COMMD1: variants seen among roughly 807,000 people sequenced by gnomAD.
COMMD1 encodes the protein COMM domain-containing protein 1.
COMMD1 carries 10 observed loss-of-function variants against 17.2 expected under a neutral mutation model. That is an observed-to-expected ratio of 0.58 (90% CI 0.36 to 0.99). COMMD1 has a LOEUF of 0.99. Ranked by LOEUF, COMMD1 falls within the 50% of genes least tolerant of loss-of-function variation. COMMD1 has a pLI of 0.01. For missense variants in COMMD1, 270 were observed against 231.8 expected, an observed-to-expected ratio of 1.17 and a Z score of -1.07; for synonymous variants, 97 against 91.6, an observed-to-expected ratio of 1.06 and a Z score of -0.34.
At chr2:61,996,139 A>C (rs1349321153) in intron 1 of COMMD1, among the ~76,000 whole-genome samples, 1 of 152,212 alleles carries the variant, frequency 6.6e-6, no homozygotes, top group Non-Finnish European at 1.5e-5. Flanking sequence ...TTGAGGCTGC[A>C]GTGAGCTATG....
chr2:62,083,433 T>C (rs953487717), intron 2 of COMMD1, among the ~76,000 whole-genome samples: 2 of 152,222 alleles, frequency 1.3e-5, no homozygotes, highest in African/African-American at 4.8e-5. Context: ...AAGAAGAAGA[T>C]AGGAGCAAGC....
At chr2:62,023,640 C>T (rs375631077) in intron 2 of COMMD1, among the ~76,000 whole-genome samples, 43 of 152,052 alleles carry the variant, frequency 2.8e-4, no homozygotes, top group African/African-American at 9.7e-4. Flanking sequence ...CACGCCACCA[C>T]GCTTGGCTAA....
chr2:61,960,220 T>C (rs1445050452), intron 1 of COMMD1, among the ~76,000 whole-genome samples: 1 of 152,224 alleles, frequency 6.6e-6, no homozygotes, highest in Non-Finnish European at 1.5e-5. Context: ...TTCCCATTTC[T>C]CACAATCCCT....
rs144171806 is a variant in COMMD1 at position 61,978,622 on chromosome 2, G to A, written c.181-22079G>A. ...TCTCCTTAAGGTGTTTGCTTGACTA[G>A]GGGCTGAAGGATCTACTTCTAACAT... On this transcript the variant is annotated intron_variant, in intron 1 of 2. Transcript: ENST00000311832. Among the ~76,000 whole-genome samples, 104 of 152,254 alleles carry A rather than the reference G, an allele frequency of 6.8e-4. 1 individual carries two copies. The highest frequency in any genetic ancestry group is 2.5e-3 in the African/African-American group (103 of 41,540).
chr2:61,977,633 T>G (rs969588657), intron 1 of COMMD1, among the ~76,000 whole-genome samples: 4 of 152,128 alleles, frequency 2.6e-5, no homozygotes, highest in Non-Finnish European at 5.9e-5. Flanking sequence ...TTCCATTAGA[T>G]CTGTATTATT....
At chr2:61,918,534 AT>A (rs1670105613) in intron 1 of COMMD1, 1 of 152,210 alleles carries the variant, frequency 6.6e-6, no homozygotes, top group Non-Finnish European at 1.5e-5. Context: ...GGCAAAACCC[AT>A]TCAATTAATC....
intron 2 of COMMD1, among the ~76,000 whole-genome samples, chr2:62,124,638 C>A (rs530934258): frequency 6.6e-6 from 1 of 152,238 alleles, no homozygotes; most frequent in Non-Finnish European, 1.5e-5. Context: ...CAACCTCCGC[C>A]TCCTGGGTTC....
chr2:62,079,319 C>G (rs1671450275), intron 2 of COMMD1, among the ~76,000 whole-genome samples: 1 of 152,184 alleles, frequency 6.6e-6, no homozygotes, highest in East Asian at 1.9e-4. Context: ...ATAAAAAGAT[C>G]ATGGGGGGAT....
intron 2 of COMMD1, among the ~76,000 whole-genome samples, chr2:62,077,415 G>A (rs1055175782): frequency 6.6e-6 from 1 of 152,142 alleles, no homozygotes; most frequent in Non-Finnish European, 1.5e-5. Context: ...GGAAAAACAC[G>A]TCATTTGAAG....
intron 2 of COMMD1, among the ~76,000 whole-genome samples, chr2:62,041,785 G>A (rs940289251): frequency 4.6e-5 from 7 of 152,152 alleles, no homozygotes; most frequent in African/African-American, 1.4e-4. Context: ...ATGTTCAGAT[G>A]TGTCCGGAGT....
At chr2:62,059,448 G>A (rs553776735) in intron 2 of COMMD1, among the ~76,000 whole-genome samples, 189 of 152,226 alleles carry the variant, frequency 1.2e-3, no homozygotes, top group Non-Finnish European at 1.8e-3. Context: ...GAGCCACTAT[G>A]CCTGTCCTGT....
At chr2:62,067,248 A>T (rs1177548468) in intron 2 of COMMD1, among the ~76,000 whole-genome samples, 1 of 152,038 alleles carries the variant, frequency 6.6e-6, no homozygotes, top group Admixed American at 6.5e-5. Context: ...GAAAAAAAAA[A>T]TCCTAGGTTC....
At chr2:62,091,081 T>C (rs1671813153) in intron 2 of COMMD1, among the ~76,000 whole-genome samples, 1 of 152,338 alleles carries the variant, frequency 6.6e-6, no homozygotes, top group East Asian at 1.9e-4. Flanking sequence ...CATTGCTTCA[T>C]AGCCACCTCA....
chr2:61,961,516 T>C (rs535087570), intron 1 of COMMD1, among the ~76,000 whole-genome samples: 4 of 152,304 alleles, frequency 2.6e-5, no homozygotes, highest in Admixed American at 6.5e-5. Context: ...TATATACTAA[T>C]AGTGGATAGC....
chr2:62,050,749 T>A (rs995022859), intron 2 of COMMD1, among the ~76,000 whole-genome samples: 2 of 152,234 alleles, frequency 1.3e-5, no homozygotes, highest in Non-Finnish European at 2.9e-5. Context: ...ATGAGAAAAG[T>A]CTGTCCCTTT....
chr2:61,982,904 A>G (rs529156792), intron 1 of COMMD1, among the ~76,000 whole-genome samples: 5 of 152,052 alleles, frequency 3.3e-5, no homozygotes, highest in African/African-American at 1.2e-4. Flanking sequence ...TTAACATATT[A>G]TTGAATTCGG....
At chr2:61,977,876 C>A (rs180788263) in intron 1 of COMMD1, among the ~76,000 whole-genome samples, 266 of 151,426 alleles carry the variant, frequency 1.8e-3, no homozygotes, top group African/African-American at 5.4e-3. Context: ...GTAATCCCGG[C>A]TACTAAGGAG....
chr2:61,912,519 G>A lies in COMMD1; in HGVS notation c.180+6661G>A, dbSNP rs527703022. Among the ~76,000 whole-genome samples the A allele has an allele frequency of 2.0e-5, 3 of 152,254 alleles. No individual in the cohort carries two copies. In the East Asian group the frequency reaches 5.8e-4, roughly 29 times the overall value. On this transcript the variant is annotated intron_variant, in intron 1 of 2. Transcript: ENST00000311832. Reference sequence around the variant, plus strand: ...TGGGAGGCCAAGGCGGGCAGATCACGAGATCAAGAGATGGAGACCATCCTA... The same window carrying A: ...TGGGAGGCCAAGGCGGGCAGATCACAAGATCAAGAGATGGAGACCATCCTA...
At chr2:62,122,389 G>A (rs1438073616) in intron 2 of COMMD1, among the ~76,000 whole-genome samples, 3 of 151,918 alleles carry the variant, frequency 2.0e-5, no homozygotes, top group Non-Finnish European at 2.9e-5. Context: ...GAATCAAAGA[G>A]CTGGGAATTA....
Sources: gnomAD v4.1 joint callset for allele counts (sites outside exome capture counted in the v4.1 genomes callset) on GRCh38, gnomAD v4.1.1 for gene constraint, MANE v1.5 for transcripts, NCBI Gene and HGNC (gene_info 2026-07-23, HGNC 2026-07-21) for gene names.